Variants in CNOT1 observed in about 807,000 individuals in gnomAD.
CNOT1 encodes the protein CCR4-NOT transcription complex subunit 1.
In CNOT1, 15 loss-of-function variants were observed where a neutral mutation model predicts 273.8. That is an observed-to-expected ratio of 0.05 (90% CI 0.04 to 0.08). The LOEUF (loss-of-function observed/expected upper bound fraction) is 0.08, where lower values mean the gene tolerates loss of function less well. CNOT1 is among the 10% of genes least tolerant of loss of function. The pLI is 1.00. For synonymous variants in CNOT1, 1,022 were observed against 1,005.5 expected (o/e 1.02, Z -0.31); for missense variants, 1,644 against 2,912.2 (o/e 0.56, Z 10.02).
At chr16:58,604,291 C>T (rs1278139083) in intron 1 of CNOT1, among the ~76,000 whole-genome samples, 1 of 152,138 alleles carries the variant, frequency 6.6e-6, no homozygotes, top group South Asian at 2.1e-4. Context: ...ACAAGTTCAT[C>T]ACAAAAATAT....
intron 16 of CNOT1, among the ~76,000 whole-genome samples, chr16:58,569,904 T>C (rs1490476929): frequency 2.0e-5 from 3 of 152,144 alleles, no homozygotes; most frequent in Non-Finnish European, 4.4e-5. Context: ...AAATTCTAAG[T>C]AGAATAAACT....
At chr16:58,611,909 T>C (rs1264161135) in intron 1 of CNOT1, among the ~76,000 whole-genome samples, 1 of 152,160 alleles carries the variant, frequency 6.6e-6, no homozygotes, top group Non-Finnish European at 1.5e-5. Flanking sequence ...CCCTCACACC[T>C]ACTTCTTTTT....
chr16:58,550,510 TA>T (rs2040414473), intron 24 of CNOT1, among the ~76,000 whole-genome samples: 1 of 152,210 alleles, frequency 6.6e-6, no homozygotes, highest in Non-Finnish European at 1.5e-5. Context: ...TTTTCCTTCA[TA>T]GTTTTTCTAG....
intron 1 of CNOT1, among the ~76,000 whole-genome samples, chr16:58,606,839 T>G (rs1440036317): frequency 1.3e-5 from 2 of 151,892 alleles, no homozygotes; most frequent in Non-Finnish European, 2.9e-5. Context: ...TCTTCATACA[T>G]GCAATATGAC....
intron 1 of CNOT1, among the ~76,000 whole-genome samples, chr16:58,622,186 C>T (rs1035262089): frequency 2.0e-5 from 3 of 148,604 alleles, no homozygotes; most frequent in East Asian, 2.1e-4. Flanking sequence ...TGGTGGTGGG[C>T]GCCTGTAGTC....
At chr16:58,551,927 C>T in intron 22 of CNOT1, 108 bp from the exon 23 acceptor site, 1 of 1,409,212 alleles carries the variant, frequency 7.1e-7, no homozygotes, top group Non-Finnish European at 9.7e-7. Flanking sequence ...TCTTTTGGTT[C>T]ATCTAGCTCA....
chr16:58,521,219 T>C lies in CNOT1; in HGVS notation c.7016A>G (p.Asn2339Ser). 6.2e-7 allele frequency: 1 copy of C among 1,614,158 alleles called. No homozygotes were observed. The change falls in exon 48 of 49, where the codon AAC (asparagine) becomes AGC (serine). Residue 2339 changes from asparagine (N) to serine (S), a missense_variant. Physicochemically the swap from Asn to Ser is conservative, Grantham distance 46. Around this residue, in one of 13 missense-constraint regions of CNOT1, gnomAD observed 140 missense variants for 324.6 expected, o/e 0.43. Coordinates refer to ENST00000317147, the MANE Select transcript of CNOT1 (RefSeq NM_016284.5). Reference sequence around the variant, plus strand: ...TGGGGCACAGTGTACAAATTCATGGTTCCAGAACTTAAACGCTGGGTTTTT... The same window carrying C: ...TGGGGCACAGTGTACAAATTCATGGCTCCAGAACTTAAACGCTGGGTTTTT... The part of the protein sequence containing the change: ...LIKNPAFKFW[N>S]HEFVHCAPEI...
At position 58,625,514 on chromosome 16, in the gene CNOT1, A is replaced by T. The variant is rs115844445; in HGVS notation, c.-175+4214T>A. ...GCAACAAGAGCAAAACCCTGTTTTA[A>T]AAAAACATATATATATAAAATTAGC... On this transcript the variant is annotated intron_variant, in intron 1 of 48. Coordinates refer to ENST00000317147, the MANE Select transcript of CNOT1 (RefSeq NM_016284.5). Among the ~76,000 whole-genome samples, 908 of 151,796 alleles carry T rather than the reference A, an allele frequency of 6.0e-3. 9 individuals carry two copies. The highest frequency in any genetic ancestry group is 0.02 in the African/African-American group (847 of 41,394).
chr16:58,555,685 T>G, intron 20 of CNOT1, 99 bp downstream of exon 20: 2 of 1,574,278 alleles, frequency 1.3e-6, no homozygotes, highest in Non-Finnish European at 1.7e-6. Context: ...CAAACCGCTA[T>G]ATCAGGGCAC....
chr16:58,627,393 G>A (rs1381564331), intron 1 of CNOT1, among the ~76,000 whole-genome samples: 1 of 82,184 alleles, frequency 1.2e-5, no homozygotes, highest in Non-Finnish European at 2.0e-5. Context: ...GACAGAGCGA[G>A]ACTCCATCTC....
At chr16:58,572,382 C>T (rs779185574) in intron 16 of CNOT1, among the ~76,000 whole-genome samples, 15 of 152,034 alleles carry the variant, frequency 9.9e-5, no homozygotes, top group Non-Finnish European at 1.5e-4. Context: ...TGTAATCAAT[C>T]GCAGCACTTC....
intron 1 of CNOT1, among the ~76,000 whole-genome samples, chr16:58,600,293 C>T (rs1279626670): frequency 1.0e-5 from 1 of 99,928 alleles, no homozygotes; most frequent in East Asian, 2.7e-4. Context: ...GATCATGCCA[C>T]TGCATTCCAG....
chr16:58,558,663 A>G lies in CNOT1; in HGVS notation c.2142T>C (p.Leu714=), dbSNP rs2040720049. Residue 714 remains leucine, a synonymous_variant, in exon 18 of 49, where the codon CTT becomes CTC. Transcript: ENST00000317147. ...DAISPVQIDP[L]AGMTSLSIGG... Reference sequence around the variant, plus strand: ...CTATACTAAGAGATGTCATTCCAGCAAGAGGGTCAATCTAAAGAAAAACAT... The same window carrying G: ...CTATACTAAGAGATGTCATTCCAGCGAGAGGGTCAATCTAAAGAAAAACAT... The G allele has an allele frequency of 1.2e-6, 2 of 1,613,804 alleles. No homozygotes were observed. Among genetic ancestry groups the G allele is most frequent in the African/African-American group, 1.3e-5 (1 of 74,914 alleles).
At position 58,613,857 on chromosome 16, in the gene CNOT1, G is replaced by A. The variant is rs932151333; in HGVS notation, c.-174-14346C>T. On this transcript the variant is annotated intron_variant, in intron 1 of 48. Transcript: ENST00000317147. ...TAATCCCAGCACTTTGGGAGGCCGA[G>A]GCGGGTGGATCACGAGGTCAGGAGA... Among the ~76,000 whole-genome samples, 28 of 121,930 alleles carry A rather than the reference G, an allele frequency of 2.3e-4. 7 individuals carry two copies. Among genetic ancestry groups the A allele is most frequent in the Admixed American group, 8.2e-4 (10 of 12,214 alleles). The allele number at this position is 121,930 out of a possible 152,430, so 80.0% of individuals were successfully genotyped here. A position where few individuals can be genotyped will look rare whatever the true frequency, so the allele number is the denominator to read the frequency against.
chr16:58,556,556 TTTAGG>T (rs2040638969), intron 19 of CNOT1, among the ~76,000 whole-genome samples: 1 of 152,232 alleles, frequency 6.6e-6, no homozygotes. Context: ...TCAACACATG[TTTAGG>T]TTAAGTTCAA....
intron 34 of CNOT1, 48 bp from the exon 35 acceptor site, chr16:58,540,007 G>GT (rs750351503): frequency 3.1e-5 from 48 of 1,551,370 alleles, no homozygotes; most frequent in Admixed American, 9.8e-5. Context: ...GAATGTTAAG[G>GT]TTTTTTATTG....
At chr16:58,560,915 C>G (rs1597460844) in intron 16 of CNOT1, among the ~76,000 whole-genome samples, 3 of 152,118 alleles carry the variant, frequency 2.0e-5, no homozygotes, top group Non-Finnish European at 4.4e-5. Flanking sequence ...GTCCCAGCTA[C>G]TCGGGAGGCT....
intron 46 of CNOT1, 63 bp downstream of exon 46, chr16:58,525,116 G>T (rs930356436): frequency 1.0e-4 from 149 of 1,465,988 alleles, no homozygotes; most frequent in Admixed American, 8.5e-4. Context: ...TTACATTTTT[G>T]TGATCAGATT....
chr16:58,586,043 T>C (rs1162704302), intron 7 of CNOT1, among the ~76,000 whole-genome samples: 1 of 150,866 alleles, frequency 6.6e-6, no homozygotes, highest in Non-Finnish European at 1.5e-5. Context: ...ACAAAATAAC[T>C]AGGATTTATC....
Sources: allele counts gnomAD v4.1 joint callset (sites outside exome capture counted in the v4.1 genomes callset), GRCh38; gene constraint gnomAD v4.1.1; regional missense constraint gnomAD v4.1.1; transcripts MANE v1.5; gene names NCBI Gene and HGNC (gene_info 2026-07-23, HGNC 2026-07-21).